EIF4G2: variants seen among roughly 807,000 people sequenced by gnomAD.
EIF4G2 encodes DAP-5.
Under a neutral mutation model 117.7 loss-of-function variants are expected in EIF4G2, and 8 were observed. That is an observed-to-expected ratio of 0.07 (90% CI 0.04 to 0.12). The LOEUF (loss-of-function observed/expected upper bound fraction) is 0.12, where lower values mean the gene tolerates loss of function less well. Among genes scored for constraint, EIF4G2 ranks in the 10% least tolerant of loss-of-function variants. The probability of loss-of-function intolerance (pLI) is 1.00; values close to 1 mark genes in which losing one functional copy is unlikely to be tolerated. For synonymous variants in EIF4G2, 413 were observed against 367.8 expected (o/e 1.12, Z -1.41); for missense variants, 812 against 1,086.2 (o/e 0.75, Z 3.55).
Position 10,803,646 on chromosome 11 carries a change from GTACT to G in EIF4G2, c.703-60_703-57del. The G allele has an allele frequency of 6.9e-7, 1 of 1,457,846 alleles. No individual in the cohort carries two copies. Among genetic ancestry groups the G allele is most frequent in the East Asian group, 2.3e-5 (1 of 44,124 alleles). 90.3% of individuals were successfully genotyped at this position (1,457,846 alleles called of 1,614,324 possible). On this transcript the variant is annotated intron_variant, in intron 8 of 21. Coordinates refer to ENST00000339995, the MANE Select transcript of EIF4G2 (RefSeq NM_001418.4). This position sits in a 1 kb window ranked among gnomAD's most constrained non-coding sequence, Gnocchi z 4.0. ...TTTTAGTTACTCTGGTTTAGGCGTA[GTACT>G]TTCTTTCCCTTTATGTTTGCACTGA...
rs145383467 is a variant in EIF4G2 at position 10,802,125 on chromosome 11, T to C, written c.1223A>G (p.Asn408Ser). The C allele has an allele frequency of 1.9e-5, 25 of 1,337,596 alleles. No homozygotes were observed. The highest frequency in any genetic ancestry group is 9.6e-5 in the Admixed American group (4 of 41,656). 82.9% of individuals were successfully genotyped at this position (1,337,596 alleles called of 1,614,324 possible). A position where few individuals can be genotyped will look rare whatever the true frequency, so the allele number is the denominator to read the frequency against. The change falls in exon 13 of 22, where the codon AAT (asparagine) becomes AGT (serine). Residue 408 changes from asparagine (N) to serine (S), a missense_variant. By Grantham distance (46) the Asn-to-Ser change is conservative (BLOSUM62 1). Coordinates refer to ENST00000339995, the MANE Select transcript of EIF4G2 (RefSeq NM_001418.4). Reference sequence around the variant, plus strand: ...AGGCATGATGTGTCCCCCATGGCCATTGAAGAGTTGATTTGAACGATGACG... The same window carrying C: ...AGGCATGATGTGTCCCCCATGGCCACTGAAGAGTTGATTTGAACGATGACG...
chr11:10,799,852 G>C, intron 18 of EIF4G2, 96 bp from the exon 19 acceptor site: 1 of 1,403,470 alleles, frequency 7.1e-7, no homozygotes, highest in Non-Finnish European at 9.6e-7. Flanking sequence ...CCCCAAGTAT[G>C]TAAGATCCAT....
intron 21 of EIF4G2, 93 bp downstream of exon 21, chr11:10,798,899 C>T: frequency 6.9e-7 from 1 of 1,455,886 alleles, no homozygotes; most frequent in East Asian, 2.3e-5. Context: ...CTAGGACTAC[C>T]TTGCCTGTAT....
Position 10,800,073 on chromosome 11 carries a change from A to C in EIF4G2, c.2119+17T>G. 3.7e-6 allele frequency: 6 copies of C among 1,608,324 alleles called. No homozygotes were observed. The highest frequency in any genetic ancestry group is 5.1e-6 in the Non-Finnish European group (6 of 1,177,798). ...TAATATTAAAAAAACAAAACAAACA[A>C]GTCAGCATTCTCTTACCTGGGAGCA... is the stretch of plus-strand genomic sequence containing the variant. On this transcript the variant is annotated intron_variant, in intron 18 of 21. Transcript: ENST00000339995.
chr11:10,808,431 G>A (rs1198115008), intron 1 of EIF4G2: 2 of 1,261,084 alleles, frequency 1.6e-6, no homozygotes, highest in African/African-American at 1.6e-5. Context: ...GCCTCGGTCC[G>A]CCACGGCCTC....
chr11:10,803,495 G>A lies in EIF4G2; in HGVS notation c.798C>T (p.Asp266=), dbSNP rs780566235. The change falls in exon 9 of 22, where the codon GAC becomes GAT. Residue 266 remains aspartate, a synonymous_variant. Coordinates refer to ENST00000339995, the MANE Select transcript of EIF4G2 (RefSeq NM_001418.4). This position sits in a 1 kb window ranked among gnomAD's most constrained non-coding sequence, Gnocchi z 4.0. ...ACACACGTACCTTGGCTCGTTCATG[G>A]TCTAATCTAGGTCCCACTGTCCTCA... 6 of 1,613,850 alleles carry A rather than the reference G, an allele frequency of 3.7e-6. No homozygotes were observed. Among genetic ancestry groups the A allele is most frequent in the East Asian group, 4.5e-5 (2 of 44,884 alleles).
chr11:10,807,516 CA>C (rs1253912334), intron 1 of EIF4G2, 135 bp from the exon 2 acceptor site: 2 of 1,314,662 alleles, frequency 1.5e-6, no homozygotes, highest in African/African-American at 3.0e-5. Flanking sequence ...AAAATGTACT[CA>C]AAACACTGAC....
chr11:10,807,975 C>G, intron 1 of EIF4G2: 2 of 1,032,794 alleles, frequency 1.9e-6, no homozygotes, highest in Non-Finnish European at 2.3e-6. Context: ...ATTCCTCCCA[C>G]CCAGGCGCAA....
rs774196949 is a variant in EIF4G2, at chr11:10,800,343, G to C, written c.1866C>G (p.Phe622Leu). ...TGGGACACTGGTCCAATACATTCAG[G>C]AAAGCCTTGAAAGAAATATACAACA... Residue 622 changes from phenylalanine (F) to leucine (L), a missense_variant, in exon 18 of 22, where the codon TTC becomes TTG. Physicochemically the swap from Phe to Leu is conservative, Grantham distance 22 (BLOSUM62 0). Coordinates refer to ENST00000339995, the MANE Select transcript of EIF4G2 (RefSeq NM_001418.4). 2.2e-5 allele frequency: 35 copies of C among 1,613,286 alleles called. No homozygotes were observed. Among genetic ancestry groups the C allele is most frequent in the African/African-American group, 4.0e-5 (3 of 74,892 alleles).
At chr11:10,806,167 A>C in intron 3 of EIF4G2, 120 bp from the exon 4 acceptor site, 1 of 1,370,300 alleles carries the variant, frequency 7.3e-7, no homozygotes, top group Non-Finnish European at 1.0e-6. Flanking sequence ...AAGAAAGCCA[A>C]CTCTGGAAAT....
At position 10,806,838 on chromosome 11, in the gene EIF4G2, G is replaced by A; in HGVS notation, c.89C>T (p.Pro30Leu). 6.2e-7 allele frequency: 1 copy of A among 1,614,112 alleles called. No homozygotes were observed. The highest frequency in any genetic ancestry group is 2.2e-5 in the East Asian group (1 of 44,886). ...ACCACACCTGTTGCCAGCAGTCTTG[G>A]GATAGTGCTGAGGTGCACCCCTACT... Residue 30 changes from proline (P) to leucine (L), a missense_variant, in exon 3 of 22, where the codon CCC becomes CTC. By Grantham distance (98) the Pro-to-Leu change is moderately conservative. Transcript: ENST00000339995.
chr11:10,806,547 G>A, intron 3 of EIF4G2: 1 of 431,410 alleles, frequency 2.3e-6, no homozygotes, highest in Non-Finnish European at 4.2e-6. Flanking sequence ...ATAACAATCA[G>A]TAGGAATAAT....
At position 10,803,055 on chromosome 11, in the gene EIF4G2, T is replaced by C. The variant is rs756848879; in HGVS notation, c.971A>G (p.Asn324Ser). The change falls in exon 11 of 22, where the codon AAT (asparagine) becomes AGT (serine). Residue 324 changes from asparagine (N) to serine (S), a missense_variant. Around this residue, in one of 4 missense-constraint regions of EIF4G2, gnomAD observed 154 missense variants for 322.1 expected, o/e 0.48. Coordinates refer to ENST00000339995, the MANE Select transcript of EIF4G2 (RefSeq NM_001418.4). The surrounding 1 kb of genome is among the most constrained non-coding windows in gnomAD (Gnocchi z 4.0). ...TTTTACTGCATCTTGACGAATTTGATTGATCGTCTTTGGTCCATTGTCAAG... is the reference window on the plus strand; with the variant it reads ...TTTTACTGCATCTTGACGAATTTGACTGATCGTCTTTGGTCCATTGTCAAG... 14 of 1,610,248 alleles carry C rather than the reference T, an allele frequency of 8.7e-6. No homozygotes were observed. The highest frequency in any genetic ancestry group is 6.6e-5 in the South Asian group (6 of 90,518).
At position 10,806,116 on chromosome 11, in the gene EIF4G2, A is replaced by G. The variant is rs1847562359; in HGVS notation, c.108-69T>C. The G allele has an allele frequency of 1.9e-6, 3 of 1,597,084 alleles. No individual in the cohort carries two copies. The South Asian group carries it at 3.4e-5, about 18-fold the overall frequency. On this transcript the variant is annotated intron_variant, in intron 3 of 21. Coordinates refer to ENST00000339995, the MANE Select transcript of EIF4G2 (RefSeq NM_001418.4). Reference sequence around the variant, plus strand: ...AATGTTAAACATCATAAATTCTCTTACATAGAAAAAAGTAATTTAGGCTTT... The same window carrying G: ...AATGTTAAACATCATAAATTCTCTTGCATAGAAAAAAGTAATTTAGGCTTT...
At chr11:10,798,910 T>C in intron 21 of EIF4G2, 82 bp downstream of exon 21, 2 of 1,514,408 alleles carry the variant, frequency 1.3e-6, no homozygotes, top group Middle Eastern at 3.5e-4. Flanking sequence ...TTGCCTGTAT[T>C]TCAGTTGAAA....
rs757212930 is a variant in EIF4G2, at chr11:10,799,040, T to C, written c.2610A>G (p.Lys870=). ...CCGGAAACTCTTGGGTTATATCTTC[T>C]TTCCAAGCCAAGAAAGCTTCTTCTT... is the stretch of plus-strand genomic sequence containing the variant. Residue 870 remains lysine, a synonymous_variant, in exon 21 of 22, where the codon AAA becomes AAG. Transcript: ENST00000339995. 2 of 1,612,930 alleles carry C rather than the reference T, an allele frequency of 1.2e-6. No individual in the cohort carries two copies. Among genetic ancestry groups the C allele is most frequent in the Middle Eastern group, 1.7e-4 (1 of 6,052 alleles).
Position 10,797,913 on chromosome 11 carries a change from T to C in EIF4G2, c.2659-32A>G, listed in dbSNP as rs1433204046. 6.2e-7 allele frequency: 1 copy of C among 1,603,530 alleles called. No homozygotes were observed. Among genetic ancestry groups the C allele is most frequent in the African/African-American group, 1.3e-5 (1 of 74,632 alleles). On this transcript the variant is annotated intron_variant, in intron 21 of 21. Transcript: ENST00000339995. The surrounding 1 kb of genome is among the most constrained non-coding windows in gnomAD (Gnocchi z 4.5). ...ATTAAGATTTGTAAATTAAAATAGT[T>C]CATGATATAAACAGAAATCCATCCA...
chr11:10,806,946 G>T, intron 2 of EIF4G2, 61 bp from the exon 3 acceptor site: 1 of 1,010,998 alleles, frequency 9.9e-7, no homozygotes. Context: ...AAAAGAATAA[G>T]CATCTATTTT....
chr11:10,801,645 AC>A lies in EIF4G2; in HGVS notation c.1413+15del. ...ATGGACAAACTATGGTATATAAGTA[AC>A]ATAGGCAAATGTACCTCATCTGCAT... On this transcript the variant is annotated intron_variant, in intron 14 of 21. Coordinates refer to ENST00000339995, the MANE Select transcript of EIF4G2 (RefSeq NM_001418.4). 6.2e-7 allele frequency: 1 copy of A among 1,602,368 alleles called. No individual in the cohort carries two copies. Among genetic ancestry groups the A allele is most frequent in the African/African-American group, 1.3e-5 (1 of 74,830 alleles).
Sources: gnomAD v4.1 joint callset for allele counts on GRCh38, gnomAD v4.1.1 for gene constraint, gnomAD v4.1.1 regional missense constraint, Gnocchi (gnomAD v3.1) non-coding constraint, MANE v1.5 for transcripts, NCBI Gene and HGNC (gene_info 2026-07-23, HGNC 2026-07-21) for gene names.